Variants in TFDP1 observed in about 807,000 individuals in gnomAD.
The protein encoded by TFDP1 is transcription factor Dp-1.
TFDP1 carries 6 observed loss-of-function variants against 48.0 expected under a neutral mutation model. That is an observed-to-expected ratio of 0.13 (90% CI 0.07 to 0.25). The LOEUF is 0.25. TFDP1 is among the 10% of genes least tolerant of loss of function. The pLI is 1.00. For missense variants in TFDP1, 335 were observed against 543.0 expected (o/e 0.62, Z 3.81); for synonymous variants, 201 against 211.6 (o/e 0.95, Z 0.44).
chr13:113,591,029 A>G (rs1453110388), intron 2 of TFDP1, among the ~76,000 whole-genome samples: 1 of 146,824 alleles, frequency 6.8e-6, no homozygotes, highest in African/African-American at 2.5e-5. Context: ...AAAAAAAAAA[A>G]AGAAAAAGAA....
At chr13:113,625,969 T>G (rs1029563256) in intron 4 of TFDP1, among the ~76,000 whole-genome samples, 8 of 145,398 alleles carry the variant, frequency 5.5e-5, no homozygotes, top group Non-Finnish European at 1.2e-4. Flanking sequence ...CTCAGGCGTC[T>G]CTCACGTGTC....
chr13:113,591,359 A>G (rs1364945776), intron 2 of TFDP1, among the ~76,000 whole-genome samples: 2 of 152,098 alleles, frequency 1.3e-5, no homozygotes, highest in East Asian at 1.9e-4. Context: ...AAAAAAAAGA[A>G]AAAAGTTTTG....
intron 4 of TFDP1, among the ~76,000 whole-genome samples, chr13:113,630,669 T>A (rs546946299): frequency 1.3e-5 from 2 of 152,346 alleles, no homozygotes; most frequent in South Asian, 2.1e-4. Flanking sequence ...AAATAGTGTT[T>A]CCAGTTTAGA....
rs9577285 is a variant in TFDP1 at position 113,639,744 on chromosome 13, C to G, written c.1086-376C>G. On this transcript the variant is annotated intron_variant, in intron 11 of 11. Coordinates refer to ENST00000375370, the MANE Select transcript of TFDP1 (RefSeq NM_007111.5). ...TCCATCCTGTCCTGCCCCGGGCTCT[C>G]TTTTTTCCTGTTGCTGGTTATGAGT... Among the ~76,000 whole-genome samples the G allele has an allele frequency of 9.1e-4, 139 of 152,282 alleles. 2 individuals are homozygous for G. The East Asian group carries it at 0.025, about 28-fold the overall frequency.
intron 2 of TFDP1, among the ~76,000 whole-genome samples, chr13:113,588,347 A>G (rs765383594): frequency 2.0e-5 from 3 of 151,514 alleles, no homozygotes; most frequent in Admixed American, 6.6e-5. Context: ...GGTAGTCACC[A>G]TGGAGGAGGA....
intron 2 of TFDP1, among the ~76,000 whole-genome samples, chr13:113,593,474 G>A (rs575940588): frequency 6.4e-5 from 9 of 141,036 alleles, no homozygotes; most frequent in East Asian, 4.5e-4. Context: ...TGTGGTGTGC[G>A]CGGGTCCTCA....
At position 113,638,721 on chromosome 13, in the gene TFDP1, G is replaced by A. The variant is rs1209999104; in HGVS notation, c.1085+825G>A. Among the ~76,000 whole-genome samples the A allele has an allele frequency of 3.3e-5, 5 of 152,180 alleles. No individual in the cohort carries two copies. In the East Asian group the frequency reaches 9.6e-4, roughly 29 times the overall value. ...ACCTGCAATCCCACAGAGTAGAATGGTGTCCCTAGGTATTGATCTTAGTGC... is the reference window on the plus strand; with the variant it reads ...ACCTGCAATCCCACAGAGTAGAATGATGTCCCTAGGTATTGATCTTAGTGC... On this transcript the variant is annotated intron_variant, in intron 11 of 11. Transcript: ENST00000375370.
At chr13:113,615,045 G>A (rs1397042574) in intron 3 of TFDP1, among the ~76,000 whole-genome samples, 3 of 152,152 alleles carry the variant, frequency 2.0e-5, no homozygotes, top group Admixed American at 6.5e-5. Flanking sequence ...CACACCCTTC[G>A]AGGCTTAGAA....
chr13:113,587,032 T>C (rs1178951044), intron 2 of TFDP1, among the ~76,000 whole-genome samples: 2 of 152,200 alleles, frequency 1.3e-5, no homozygotes, highest in African/African-American at 4.8e-5. Flanking sequence ...AGGGCCTCGG[T>C]TAGAGCACGC....
rs751345074 is a variant in TFDP1 at position 113,623,260 on chromosome 13, T to A, written c.160T>A (p.Ser54Thr). ...KQLLPKTFGQ[S>T]NVNIAQQVVI... ...GCTCTTGCCAAAAACCTTTGGACAG[T>A]CCAATGTCAACATTGCCCAGCAAGT... The change falls in exon 4 of 12, where the codon TCC becomes ACC. Residue 54 changes from serine to threonine, a missense_variant. Physicochemically the swap from Ser to Thr is moderately conservative, Grantham distance 58 (BLOSUM62 1). Around this residue, in one of 3 missense-constraint regions of TFDP1, gnomAD observed 103 missense variants for 140.4 expected, o/e 0.73. Transcript: ENST00000375370. This position sits in a 1 kb window ranked among gnomAD's most constrained non-coding sequence, Gnocchi z 5.2. The A allele has an allele frequency of 6.2e-5, 100 of 1,612,596 alleles. No individual in the cohort carries two copies. The highest frequency in any genetic ancestry group is 8.2e-5 in the Non-Finnish European group (97 of 1,179,448).
chr13:113,640,014 C>A, intron 11 of TFDP1, 106 bp from the exon 12 acceptor site: 1 of 823,760 alleles, frequency 1.2e-6, no homozygotes, highest in South Asian at 1.7e-5. Context: ...ACTGACAAAA[C>A]CCACACCTGT....
chr13:113,601,620 G>A (rs7327022), intron 2 of TFDP1, among the ~76,000 whole-genome samples: 111 of 152,352 alleles, frequency 7.3e-4, no homozygotes, highest in African/African-American at 2.6e-3. Flanking sequence ...GGTTGTGTTT[G>A]TTCCCAGGTG....
chr13:113,614,050 A>G (rs2048789481), intron 3 of TFDP1, among the ~76,000 whole-genome samples: 1 of 143,572 alleles, frequency 7.0e-6, no homozygotes, highest in African/African-American at 2.6e-5. Context: ...TGTGTGTGAG[A>G]TGTGTGTTGT....
intron 2 of TFDP1, among the ~76,000 whole-genome samples, chr13:113,586,598 A>C (rs1240572269): frequency 6.6e-6 from 1 of 152,176 alleles, no homozygotes; most frequent in Non-Finnish European, 1.5e-5. Context: ...TGATGTGTTT[A>C]CCTACTTACC....
intron 4 of TFDP1, among the ~76,000 whole-genome samples, chr13:113,629,328 G>A (rs1180038979): frequency 6.6e-6 from 1 of 152,226 alleles, no homozygotes; most frequent in East Asian, 1.9e-4. Context: ...CGTTCTCAGG[G>A]TGCCCCTGGG....
chr13:113,630,865 G>T (rs1008710944), intron 4 of TFDP1, among the ~76,000 whole-genome samples: 2 of 152,150 alleles, frequency 1.3e-5, no homozygotes, highest in African/African-American at 4.8e-5. Context: ...GCTGTGGGGT[G>T]GGGCGGGTGG....
At chr13:113,611,097 G>A in intron 3 of TFDP1, 35 bp downstream of exon 3, 1 of 1,556,856 alleles carries the variant, frequency 6.4e-7, no homozygotes, top group Non-Finnish European at 8.9e-7. Flanking sequence ...CTCTTGTGTT[G>A]ATGAATGCAT....
intron 4 of TFDP1, among the ~76,000 whole-genome samples, chr13:113,630,845 C>T (rs2049314679): frequency 6.8e-6 from 1 of 146,718 alleles, no homozygotes; most frequent in African/African-American, 2.7e-5. Flanking sequence ...TTGTTGACAC[C>T]CTCAGGTGTG....
intron 9 of TFDP1, 117 bp downstream of exon 9, chr13:113,636,245 C>G: frequency 2.2e-6 from 3 of 1,380,316 alleles, no homozygotes; most frequent in Non-Finnish European, 3.0e-6. Flanking sequence ...AAATGTTGCA[C>G]AAATTGCTGT....
Sources: allele counts gnomAD v4.1 joint callset (sites outside exome capture counted in the v4.1 genomes callset), GRCh38; gene constraint gnomAD v4.1.1; regional missense constraint gnomAD v4.1.1; non-coding constraint Gnocchi (gnomAD v3.1); transcripts MANE v1.5; gene names NCBI Gene and HGNC (gene_info 2026-07-23, HGNC 2026-07-21).